ZNF253: variants seen among roughly 807,000 people sequenced by gnomAD.
ZNF253 encodes the protein DNA-binding protein.
A neutral mutation model predicts 11.9 loss-of-function variants in ZNF253; 8 were observed. That is an observed-to-expected ratio of 0.67 (90% CI 0.40 to 1.22). The LOEUF (loss-of-function observed/expected upper bound fraction) is 1.22. ZNF253 is among the 50% of genes most tolerant of loss of function. The pLI is 0.01. For synonymous variants in ZNF253, 194 were observed against 194.9 expected (o/e 1.00, Z 0.04); for missense variants, 485 against 586.9 (o/e 0.83, Z 1.79).
Position 19,893,907 on chromosome 19 carries a change from TA to T in ZNF253, c.*1161del, listed in dbSNP as rs754333945. On this transcript the variant is annotated 3_prime_UTR_variant, in exon 4 of 4. Transcript: ENST00000589717. ...TTTGTTTCAGGGAATCAAGGGAATT[TA>T]TATTGAGAATAGTACTGCAAATGTA... is the stretch of plus-strand genomic sequence containing the variant. The T allele has an allele frequency of 3.3e-5, 5 of 152,238 alleles. No homozygotes were observed. The highest frequency in any genetic ancestry group is 1.3e-4 in the Admixed American group (2 of 15,282). 9.4% of individuals were successfully genotyped at this position (152,238 alleles called of 1,614,324 possible). A position where few individuals can be genotyped will look rare whatever the true frequency, so the allele number is the denominator to read the frequency against.
Position 19,878,560 on chromosome 19 carries a change from T to C in ZNF253, c.83T>C (p.Leu28Ser). Reference sequence around the variant, plus strand: ...TGCCTGGACACTGCACAGCGGAATTTATATAGGGATGTGATGTTAGAGAAC... The same window carrying C: ...TGCCTGGACACTGCACAGCGGAATTCATATAGGGATGTGATGTTAGAGAAC... Reference protein sequence around the residue: ...WHCLDTAQRNLYRDVMLENYR... With the variant: ...WHCLDTAQRNSYRDVMLENYR... Residue 28 changes from leucine (L) to serine (S), a missense_variant, in exon 2 of 4, where the codon TTA becomes TCA. By Grantham distance (145) the Leu-to-Ser change is moderately radical. Coordinates refer to ENST00000589717, the MANE Select transcript of ZNF253 (RefSeq NM_021047.3). 6.2e-7 allele frequency: 1 copy of C among 1,613,980 alleles called. No homozygotes were observed. Among genetic ancestry groups the C allele is most frequent in the Non-Finnish European group, 8.5e-7 (1 of 1,179,956 alleles).
At position 19,865,918 on chromosome 19, in the gene ZNF253, G is replaced by A; in HGVS notation, c.-79G>A. The A allele has an allele frequency of 6.4e-7, 1 of 1,570,712 alleles. No individual in the cohort carries two copies. Among genetic ancestry groups the A allele is most frequent in the Non-Finnish European group, 8.8e-7 (1 of 1,140,398 alleles). On this transcript the variant is annotated 5_prime_UTR_variant, in exon 1 of 4. Coordinates refer to ENST00000589717, the MANE Select transcript of ZNF253 (RefSeq NM_021047.3). ...GTGTTCTGTGTCCTGTGCTTATAGA[G>A]GCCCGTCCTCTGTGGCCGTGTGACC...
intron 3 of ZNF253, among the ~76,000 whole-genome samples, 157 bp downstream of exon 3, chr19:19,880,303 G>A (rs1291943568): frequency 1.5e-5 from 2 of 131,132 alleles, no homozygotes; most frequent in Non-Finnish European, 3.2e-5. Context: ...CTCCCACAAA[G>A]GGGCATCTTC....
At chr19:19,868,427 C>T (rs1464592224) in intron 1 of ZNF253, among the ~76,000 whole-genome samples, 1 of 152,028 alleles carries the variant, frequency 6.6e-6, no homozygotes, top group African/African-American at 2.4e-5. Flanking sequence ...CTAGTTATTC[C>T]AGCACCATTT....
chr19:19,865,870 C>T, upstream of ZNF253: 4 of 1,232,530 alleles, frequency 3.2e-6, no homozygotes, highest in South Asian at 1.2e-5. Flanking sequence ...CTCGCTGCAG[C>T]GGGAGCTCCA....
At position 19,891,976 on chromosome 19, in the gene ZNF253, T is replaced by C. The variant is rs1257061190; in HGVS notation, c.729T>C (p.Leu243=). ...CGKAFKQSSN[L]TTHKKIHTGE... ...AAGCCTTTAAGCAGTCCTCAAACCT[T>C]ACTACACATAAGAAAATTCATACTG... The change falls in exon 4 of 4, where the codon CTT becomes CTC. Residue 243 remains leucine, a synonymous_variant. Coordinates refer to ENST00000589717, the MANE Select transcript of ZNF253 (RefSeq NM_021047.3). 1.2e-6 allele frequency: 2 copies of C among 1,613,860 alleles called. No individual in the cohort carries two copies. The highest frequency in any genetic ancestry group is 1.7e-6 in the Non-Finnish European group (2 of 1,180,002).
rs2063236859 is a variant in ZNF253 at position 19,892,457 on chromosome 19, AC to A, written c.1212del (p.Phe405LeufsTer35). 6.2e-7 allele frequency: 1 copy of A among 1,609,168 alleles called. No individual in the cohort carries two copies. On this transcript the variant is annotated frameshift_variant, in exon 4 of 4. Coordinates refer to ENST00000589717, the MANE Select transcript of ZNF253 (RefSeq NM_021047.3). LOFTEE classifies it low-confidence loss of function (END_TRUNC). ...KPYKCDECGK[T>X]FTWPSILSKH... ...CTACAAATGTGATGAATGTGGCAAA[AC>A]CTTTACCTGGCCCTCAATCCTCTCC...
chr19:19,890,946 A>G (rs1035845942), intron 3 of ZNF253, among the ~76,000 whole-genome samples: 6 of 145,718 alleles, frequency 4.1e-5, no homozygotes, highest in Non-Finnish European at 7.4e-5. Flanking sequence ...GGTTCAAGCA[A>G]TTCTCTGCCG....
chr19:19,872,583 T>TATATATATATATATTATTA (rs371297261), intron 1 of ZNF253, among the ~76,000 whole-genome samples: 2 of 120,766 alleles, frequency 1.7e-5, no homozygotes, highest in African/African-American at 8.3e-5. Flanking sequence ...ATATATATTA[T>TATATATATATATATTATTA]TATATATATA....
chr19:19,869,660 CTT>C (rs35926309), intron 1 of ZNF253, among the ~76,000 whole-genome samples: 225 of 103,264 alleles, frequency 2.2e-3, no homozygotes, highest in East Asian at 6.9e-3. Context: ...CATGCCTGGC[CTT>C]TTTTTTTTTT....
In ZNF253 at chr19:19,872,586, TA is replaced by T. The variant is rs1170445525; in HGVS notation, c.4-5894del. Among the ~76,000 whole-genome samples, 178 of 65,440 alleles carry T rather than the reference TA, an allele frequency of 2.7e-3. 1 individual carries two copies. The highest frequency in any genetic ancestry group is 0.026 in the East Asian group (20 of 772). The allele number at this position is 65,440 out of a possible 152,430, so 42.9% of individuals were successfully genotyped here. A position where few individuals can be genotyped will look rare whatever the true frequency, so the allele number is the denominator to read the frequency against. ...CTATATATATATATATATATTATTA[TA>T]TATATATATATATAATCAAGTTTAT... On this transcript the variant is annotated intron_variant, in intron 1 of 3. Transcript: ENST00000589717.
chr19:19,880,273 GT>G (rs765915336), intron 3 of ZNF253, 127 bp downstream of exon 3: 12,500 of 203,250 alleles, frequency 0.062, 13 homozygotes, highest in Middle Eastern at 0.11. Context: ...CTGGGCAGCT[GT>G]TTTTTTTTTT....
chr19:19,888,945 TTA>T (rs1376505119), intron 3 of ZNF253, among the ~76,000 whole-genome samples: 5 of 152,036 alleles, frequency 3.3e-5, no homozygotes. Flanking sequence ...GGACTCCTTT[TTA>T]TATGATAGTA....
intron 1 of ZNF253, chr19:19,870,728 GTGT>G (rs902560157): frequency 6.6e-6 from 1 of 152,138 alleles, no homozygotes; most frequent in Non-Finnish European, 1.5e-5. Context: ...TCATCTTAAA[GTGT>G]TGTTGGAAGT....
chr19:19,884,953 G>A (rs1300833911), intron 3 of ZNF253, among the ~76,000 whole-genome samples: 1 of 151,996 alleles, frequency 6.6e-6, no homozygotes, highest in African/African-American at 2.4e-5. Flanking sequence ...AGAAAAATTT[G>A]TCCATTTCTA....
chr19:19,870,178 C>T (rs909865053), intron 1 of ZNF253, among the ~76,000 whole-genome samples: 13 of 151,934 alleles, frequency 8.6e-5, no homozygotes, highest in Admixed American at 7.9e-4. Context: ...AGGTTAATTA[C>T]CTGAGGTCAG....
chr19:19,892,016 A>C lies in ZNF253; in HGVS notation c.769A>C (p.Lys257Gln). The C allele has an allele frequency of 6.2e-7, 1 of 1,613,840 alleles. No individual in the cohort carries two copies. The highest frequency in any genetic ancestry group is 1.1e-5 in the South Asian group (1 of 91,070). ...KKIHTGEKPYKCEECGKAFNR... is the reference protein window; with the variant it reads ...KKIHTGEKPYQCEECGKAFNR... ...AATTCATACTGGAGAGAAACCCTAC[A>C]AATGTGAAGAATGTGGCAAAGCCTT... Residue 257 changes from lysine (K) to glutamine (Q), a missense_variant, in exon 4 of 4, where the codon AAA becomes CAA. This residue lies in a region of ZNF253 where 232 missense variants were observed against 321.4 expected (regional missense o/e 0.72). Transcript: ENST00000589717.
At chr19:19,870,630 C>T (rs2063130209) in intron 1 of ZNF253, 1 of 151,992 alleles carries the variant, frequency 6.6e-6, no homozygotes. Flanking sequence ...GGTGATGTGG[C>T]CACCCAAACA....
At position 19,880,089 on chromosome 19, in the gene ZNF253, G is replaced by C; in HGVS notation, c.169G>C (p.Glu57Gln). The change falls in exon 3 of 4, where the codon GAG becomes CAG. Residue 57 changes from glutamate to glutamine, a missense_variant. Physicochemically the swap from Glu to Gln is conservative, Grantham distance 29. Coordinates refer to ENST00000589717, the MANE Select transcript of ZNF253 (RefSeq NM_021047.3). ...TAAGCCAGACCTGGTTACCTGTCTGGAGCAAGGAAAAAAACCTTTAACTAT... is the reference window on the plus strand; with the variant it reads ...TAAGCCAGACCTGGTTACCTGTCTGCAGCAAGGAAAAAAACCTTTAACTAT... ...VSKPDLVTCL[E>Q]QGKKPLTMER... 6.2e-7 allele frequency: 1 copy of C among 1,608,470 alleles called. No homozygotes were observed.
Sources: allele counts gnomAD v4.1 joint callset (sites outside exome capture counted in the v4.1 genomes callset), GRCh38; gene constraint gnomAD v4.1.1; regional missense constraint gnomAD v4.1.1; transcripts MANE v1.5; gene names NCBI Gene and HGNC (gene_info 2026-07-23, HGNC 2026-07-21).